The following NOX4 variants were observed in gnomAD, a reference collection of about 807,000 sequenced individuals.
NOX4 encodes kidney oxidase-1.
NOX4 carries 69 observed loss-of-function variants against 87.6 expected under a neutral mutation model. The ratio of observed to expected loss-of-function variants is 0.79; its 90% CI spans 0.65 to 0.96. The LOEUF (loss-of-function observed/expected upper bound fraction) is 0.96. Ranked by LOEUF, NOX4 falls within the 40% of genes least tolerant of loss-of-function variation. The pLI, the probability that NOX4 is intolerant of heterozygous loss-of-function variation, is 0.00. For synonymous variants in NOX4, 275 were observed against 238.2 expected (o/e 1.15, Z -1.42); for missense variants, 680 against 681.5 (o/e 1.00, Z 0.02).
At chr11:89,560,350 G>A in the NOX4 span, among the ~76,000 whole-genome samples, 1 of 152,034 alleles carries the variant, frequency 6.6e-6, no homozygotes, top group Non-Finnish European at 1.5e-5. Context: ...TTTGATTCTG[G>A]CACCTTTGAT....
At chr11:89,351,642 C>T (rs962476840) in intron 13 of NOX4, among the ~76,000 whole-genome samples, 1 of 152,094 alleles carries the variant, frequency 6.6e-6, no homozygotes, top group Non-Finnish European at 1.5e-5. Flanking sequence ...AAACTTAAGG[C>T]CCGTAAGAAT....
chr11:89,589,013 C>T, the NOX4 span, among the ~76,000 whole-genome samples: 1 of 152,142 alleles, frequency 6.6e-6, no homozygotes, highest in African/African-American at 2.4e-5. Flanking sequence ...TTAAGAAATA[C>T]ATATAATTAA....
At chr11:89,347,907 TA>T (rs1322721546) in intron 13 of NOX4, among the ~76,000 whole-genome samples, 1 of 152,216 alleles carries the variant, frequency 6.6e-6, no homozygotes, top group African/African-American at 2.4e-5. Flanking sequence ...AATGTAAGTC[TA>T]ATTATCTTTC....
At chr11:89,412,581 T>G (rs1359484621) in intron 8 of NOX4, among the ~76,000 whole-genome samples, 10 of 152,082 alleles carry the variant, frequency 6.6e-5, no homozygotes, top group Non-Finnish European at 1.2e-4. Context: ...GATGAAATTA[T>G]TGAGGAAATT....
intron 17 of NOX4, among the ~76,000 whole-genome samples, chr11:89,329,356 G>GAAAAAAAAAAAAAAAAA (rs377055666): frequency 6.3e-4 from 22 of 34,672 alleles, no homozygotes; most frequent in East Asian, 1.7e-3. Context: ...GAAAAAAACT[G>GAAAAAAAAAAAAAAAAA]AAAAAAAAAA....
At chr11:89,554,204 C>T in the NOX4 span, among the ~76,000 whole-genome samples, 2 of 151,518 alleles carry the variant, frequency 1.3e-5, no homozygotes, top group Non-Finnish European at 2.9e-5. Flanking sequence ...ATGGATCTAG[C>T]GTTTTAAAAT....
intron 13 of NOX4, among the ~76,000 whole-genome samples, chr11:89,354,215 A>G (rs1937808363): frequency 6.6e-6 from 1 of 152,146 alleles, no homozygotes; most frequent in African/African-American, 2.4e-5. Flanking sequence ...ATATTAGTTT[A>G]TTTATTCTTT....
chr11:89,457,320 C>A (rs1003994765), intron 2 of NOX4, among the ~76,000 whole-genome samples: 2 of 152,272 alleles, frequency 1.3e-5, no homozygotes, highest in East Asian at 3.9e-4. Context: ...TGTACATGGA[C>A]GCTGGCAACT....
upstream of NOX4, among the ~76,000 whole-genome samples, chr11:89,491,751 CACACACACACACACAA>C (rs1383631759): frequency 2.7e-5 from 4 of 149,196 alleles, no homozygotes; most frequent in African/African-American, 1.0e-4. Flanking sequence ...CACACACACA[CACACACACACACACAA>C]GAAGACACAG....
At chr11:89,365,753 CA>C (rs1213376592) in intron 12 of NOX4, among the ~76,000 whole-genome samples, 2,930 of 56,702 alleles carry the variant, frequency 0.052, 40 homozygotes, top group African/African-American at 0.13. Flanking sequence ...ACCACGCCCA[CA>C]AAAAAAAAAA....
In NOX4 at chr11:89,324,910, A is replaced by C. The variant is rs1373758961; in HGVS notation, c.*1846T>G. On this transcript the variant is annotated 3_prime_UTR_variant, in exon 18 of 18. Transcript: ENST00000263317. ...GAAAGGAAGAAATATCTACAAGTAA[A>C]TATCATTCAGTATGGGTTAGCATGC... 1 of 152,040 alleles carries C rather than the reference A, an allele frequency of 6.6e-6. No homozygotes were observed. Among genetic ancestry groups the C allele is most frequent in the East Asian group, 1.9e-4 (1 of 5,172 alleles). 9.4% of individuals were successfully genotyped at this position (152,040 alleles called of 1,614,324 possible).
chr11:89,550,176 T>C, the NOX4 span, among the ~76,000 whole-genome samples: 1 of 149,168 alleles, frequency 6.7e-6, no homozygotes, highest in East Asian at 2.0e-4. Context: ...TCCTGATTTT[T>C]TAATGATAGC....
the NOX4 span, among the ~76,000 whole-genome samples, chr11:89,579,466 G>A: frequency 6.6e-6 from 1 of 150,906 alleles, no homozygotes; most frequent in East Asian, 1.9e-4. Context: ...ACCTAAAACT[G>A]CTTTAAAAAA....
At chr11:89,379,015 T>G (rs1940076024) in intron 11 of NOX4, among the ~76,000 whole-genome samples, 1 of 152,188 alleles carries the variant, frequency 6.6e-6, no homozygotes, top group South Asian at 2.1e-4. Flanking sequence ...AGAAAGATTC[T>G]GGAAGAATAT....
chr11:89,555,760 C>T, the NOX4 span, among the ~76,000 whole-genome samples: 1 of 152,038 alleles, frequency 6.6e-6, no homozygotes, highest in African/African-American at 2.4e-5. Flanking sequence ...ATTGATCAAT[C>T]AGGAACCATG....
intron 2 of NOX4, among the ~76,000 whole-genome samples, chr11:89,476,218 CTCTTTTA>C (rs1245344434): frequency 1.3e-5 from 2 of 151,990 alleles, no homozygotes; most frequent in African/African-American, 4.8e-5. Flanking sequence ...TTTTAATGTT[CTCTTTTA>C]TATTTTTTAT....
chr11:89,504,032 G>C, the NOX4 span, among the ~76,000 whole-genome samples: 1 of 151,356 alleles, frequency 6.6e-6, no homozygotes, highest in African/African-American at 2.4e-5. Flanking sequence ...GCAATGCTGT[G>C]GGGTACAAAA....
intron 11 of NOX4, among the ~76,000 whole-genome samples, chr11:89,399,432 A>AAAATATATATAT (rs1290741300): frequency 6.6e-5 from 5 of 75,642 alleles, no homozygotes; most frequent in African/African-American, 2.6e-4. Context: ...CAAGAAATTA[A>AAAATATATATAT]ATATATATAT....
chr11:89,533,016 T>C, the NOX4 span, among the ~76,000 whole-genome samples: 1 of 152,192 alleles, frequency 6.6e-6, no homozygotes, highest in Non-Finnish European at 1.5e-5. Context: ...CTTTCCTTTA[T>C]GAATTACCGA....
Sources: gnomAD v4.1 joint callset for allele counts (sites outside exome capture counted in the v4.1 genomes callset) on GRCh38, gnomAD v4.1.1 for gene constraint, MANE v1.5 for transcripts, NCBI Gene and HGNC (gene_info 2026-07-23, HGNC 2026-07-21) for gene names.